Variants in USP24 observed in about 807,000 individuals in gnomAD.
USP24 encodes the protein ubiquitin carboxyl-terminal hydrolase 24.
Under a neutral mutation model 361.6 loss-of-function variants are expected in USP24, and 97 were observed. The ratio of observed to expected loss-of-function variants is 0.27; its 90% CI spans 0.23 to 0.32. USP24 has a LOEUF of 0.32. Ranked by LOEUF, USP24 falls within the 10% of genes least tolerant of loss-of-function variation. The pLI, the probability that USP24 is intolerant of heterozygous loss-of-function variation, is 1.00. For missense variants in USP24, 2,353 were observed against 3,165.6 expected, an observed-to-expected ratio of 0.74 and a Z score of 6.16; for synonymous variants, 1,098 against 1,124.6, an observed-to-expected ratio of 0.98 and a Z score of 0.47.
chr1:55,079,157 A>G (rs1645091410), intron 60 of USP24, among the ~76,000 whole-genome samples: 1 of 152,180 alleles, frequency 6.6e-6, no homozygotes, highest in African/African-American at 2.4e-5. Context: ...GAGAGCTGAG[A>G]GCAGCCCACC....
chr1:55,077,575 G>T (rs138218684), intron 61 of USP24, among the ~76,000 whole-genome samples: 2 of 152,298 alleles, frequency 1.3e-5, no homozygotes, highest in East Asian at 3.9e-4. Flanking sequence ...TCACTAAACA[G>T]ATCCGATTTT....
chr1:55,112,061 G>A (rs1040305416), intron 38 of USP24, among the ~76,000 whole-genome samples: 1 of 151,712 alleles, frequency 6.6e-6, no homozygotes, highest in Non-Finnish European at 1.5e-5. Context: ...AGTCAAGAAT[G>A]GATCAAAGAA....
At chr1:55,110,299 A>G in intron 38 of USP24, 53 bp from the exon 39 acceptor site, 1 of 1,427,434 alleles carries the variant, frequency 7.0e-7, no homozygotes, top group Non-Finnish European at 9.4e-7. Flanking sequence ...TGAAAATAAA[A>G]AGCATTTTCC....
chr1:55,153,781 T>TA (rs1204075324), intron 16 of USP24, 89 bp downstream of exon 16: 1 of 1,186,066 alleles, frequency 8.4e-7, no homozygotes, highest in African/African-American at 2.2e-5. Flanking sequence ...CACTAAAACA[T>TA]ACTATTATTT....
intron 24 of USP24, among the ~76,000 whole-genome samples, chr1:55,140,709 C>T (rs781766669): frequency 6.6e-5 from 10 of 152,082 alleles, no homozygotes; most frequent in Non-Finnish European, 1.5e-4. Context: ...CTATGAGTAC[C>T]CATCACTAGA....
chr1:55,210,401 C>T (rs1055885519), intron 1 of USP24, among the ~76,000 whole-genome samples: 1 of 152,002 alleles, frequency 6.6e-6, no homozygotes, highest in Non-Finnish European at 1.5e-5. Context: ...TTTACCAAAT[C>T]ACAGTAATTC....
At chr1:55,190,921 T>C (rs1455107279) in intron 1 of USP24, among the ~76,000 whole-genome samples, 2 of 152,214 alleles carry the variant, frequency 1.3e-5, no homozygotes, top group African/African-American at 4.8e-5. Flanking sequence ...TTAATAAAAC[T>C]TCAACATTTT....
chr1:55,101,443 T>C (rs1553148654), intron 43 of USP24, 141 bp downstream of exon 43: 6 of 1,159,460 alleles, frequency 5.2e-6, no homozygotes, highest in South Asian at 4.8e-5. Flanking sequence ...AACATGTCTT[T>C]ACACATTTCA....
At chr1:55,110,344 A>G (rs1645913855) in intron 38 of USP24, 98 bp from the exon 39 acceptor site, 1 of 1,027,610 alleles carries the variant, frequency 9.7e-7, no homozygotes, top group East Asian at 2.9e-5. Context: ...AGTGAGCAAG[A>G]TAATTTTGGT....
intron 1 of USP24, among the ~76,000 whole-genome samples, chr1:55,202,832 G>A (rs145895214): frequency 6.6e-6 from 1 of 152,340 alleles, no homozygotes; most frequent in Non-Finnish European, 1.5e-5. Context: ...ACAAGTGATA[G>A]CAATTGCTCA....
At chr1:55,134,981 T>A (rs1014844396) in intron 28 of USP24, among the ~76,000 whole-genome samples, 3 of 152,126 alleles carry the variant, frequency 2.0e-5, no homozygotes, top group Non-Finnish European at 4.4e-5. Context: ...TCGGACATCA[T>A]TACACAACGT....
At chr1:55,123,316 G>A (rs978832669) in intron 36 of USP24, 131 bp downstream of exon 36, 11 of 1,036,064 alleles carry the variant, frequency 1.1e-5, no homozygotes, top group African/African-American at 4.9e-5. Context: ...TCTTAGCTAC[G>A]CCACATGCCA....
intron 60 of USP24, among the ~76,000 whole-genome samples, chr1:55,079,075 G>T (rs1335453731): frequency 6.6e-6 from 1 of 152,050 alleles, no homozygotes; most frequent in East Asian, 1.9e-4. Flanking sequence ...GGAAGATGGA[G>T]TCCACAGCTG....
At chr1:55,170,981 C>T (rs1353748397) in intron 5 of USP24, among the ~76,000 whole-genome samples, 1 of 152,166 alleles carries the variant, frequency 6.6e-6, no homozygotes, top group Non-Finnish European at 1.5e-5. Context: ...AGCAATGAAC[C>T]AGTTTTCTAT....
chr1:55,134,748 T>C (rs1365458862), intron 28 of USP24, among the ~76,000 whole-genome samples: 1 of 152,214 alleles, frequency 6.6e-6, no homozygotes, highest in Admixed American at 6.5e-5. Flanking sequence ...ACTGAGCTAA[T>C]GACTGCTCCC....
intron 54 of USP24, among the ~76,000 whole-genome samples, chr1:55,090,902 C>A (rs1327505530): frequency 2.0e-5 from 3 of 152,130 alleles, no homozygotes; most frequent in Non-Finnish European, 2.9e-5. Context: ...TTGCTCAACA[C>A]GGCGAAACCC....
At chr1:55,182,513 T>C (rs971607466) in intron 1 of USP24, among the ~76,000 whole-genome samples, 1 of 152,206 alleles carries the variant, frequency 6.6e-6, no homozygotes, top group Non-Finnish European at 1.5e-5. Context: ...CATTAATTTC[T>C]ACAGAAATTA....
At chr1:55,126,129 G>C (rs927975124) in intron 32 of USP24, among the ~76,000 whole-genome samples, 5 of 152,176 alleles carry the variant, frequency 3.3e-5, no homozygotes, top group African/African-American at 1.2e-4. Flanking sequence ...TTCATAACTT[G>C]ACCTCTGGTA....
At chr1:55,158,745 ACAAT>A (rs768635175) in intron 10 of USP24, 129 bp downstream of exon 10, 44 of 802,352 alleles carry the variant, frequency 5.5e-5, no homozygotes, top group Middle Eastern at 4.1e-4. Context: ...CATTTTATAC[ACAAT>A]CATTCTCTTT....
Sources: gnomAD v4.1 joint callset for allele counts (sites outside exome capture counted in the v4.1 genomes callset) on GRCh38, gnomAD v4.1.1 for gene constraint, MANE v1.5 for transcripts, NCBI Gene and HGNC (gene_info 2026-07-23, HGNC 2026-07-21) for gene names.